The following PNPLA3 variants were observed in gnomAD, a reference collection of about 807,000 sequenced individuals.
PNPLA3 encodes 1-acylglycerol-3-phosphate O-acyltransferase PNPLA3.
PNPLA3 carries 42 observed loss-of-function variants against 43.1 expected under a neutral mutation model. The ratio of observed to expected loss-of-function variants is 0.97; its 90% CI spans 0.76 to 1.26. The LOEUF is 1.26. Ranked by LOEUF, PNPLA3 falls within the 50% of genes most tolerant of loss-of-function variation. The probability of loss-of-function intolerance (pLI) is 0.00; values close to 1 mark genes in which losing one functional copy is unlikely to be tolerated. For missense variants in PNPLA3, 647 were observed against 621.4 expected (o/e 1.04, Z -0.44); for synonymous variants, 272 against 253.6 (o/e 1.07, Z -0.69).
intron 7 of PNPLA3, among the ~76,000 whole-genome samples, chr22:43,941,805 T>C (rs1044278815): frequency 4.0e-5 from 6 of 151,624 alleles, no homozygotes; most frequent in African/African-American, 1.5e-4. Flanking sequence ...AAAAAAAAAT[T>C]ACCCTGGTCT....
intron 6 of PNPLA3, among the ~76,000 whole-genome samples, chr22:43,939,730 C>T (rs1173320083): frequency 6.6e-6 from 1 of 152,144 alleles, no homozygotes; most frequent in Non-Finnish European, 1.5e-5. Context: ...GCAGAAGAAT[C>T]GCTTGAACCC....
intron 3 of PNPLA3, among the ~76,000 whole-genome samples, chr22:43,930,540 G>A (rs759134331): frequency 7.9e-5 from 12 of 152,172 alleles, no homozygotes; most frequent in Admixed American, 1.3e-4. Flanking sequence ...CAGCAGCACC[G>A]TAGTGATGCT....
At chr22:43,928,254 T>C (rs1453338162) in intron 2 of PNPLA3, among the ~76,000 whole-genome samples, 6 of 152,222 alleles carry the variant, frequency 3.9e-5, no homozygotes, top group East Asian at 1.9e-4. Context: ...CCAGCACTTG[T>C]CTGTTCCCAC....
At chr22:43,937,415 C>A in intron 6 of PNPLA3, 143 bp downstream of exon 6, 1 of 766,850 alleles carries the variant, frequency 1.3e-6, no homozygotes, top group Non-Finnish European at 2.1e-6. Flanking sequence ...ATGTGTACAG[C>A]CTGGGCTGCT....
chr22:43,931,083 T>A (rs2049958730), intron 3 of PNPLA3, among the ~76,000 whole-genome samples: 2 of 152,016 alleles, frequency 1.3e-5, no homozygotes, highest in South Asian at 4.2e-4. Flanking sequence ...GCTGAGATCC[T>A]GCCACTGCAC....
At chr22:43,943,226 T>G (rs2050042584) in intron 7 of PNPLA3, among the ~76,000 whole-genome samples, 1 of 152,190 alleles carries the variant, frequency 6.6e-6, no homozygotes, top group Admixed American at 6.5e-5. Context: ...TCTCCATTTC[T>G]TCTTGGGCTA....
At chr22:43,930,175 A>T in intron 3 of PNPLA3, among the ~76,000 whole-genome samples, 1 of 152,158 alleles carries the variant, frequency 6.6e-6, no homozygotes, top group South Asian at 2.1e-4. Context: ...TAGGGTCCCC[A>T]CAACCAAGGG....
chr22:43,946,246 C>T lies in PNPLA3; in HGVS notation c.1310C>T (p.Pro437Leu). ...ACTCCCTGCTCCCCCAAGGGCTGTC[C>T]AGCAGAGACCAAAGCAGAGGCCACC... Reference protein sequence around the residue: ...CWTPCSPKGCPAETKAEATPR... With the variant: ...CWTPCSPKGCLAETKAEATPR... The change falls in exon 9 of 9, where the codon CCA becomes CTA. Residue 437 changes from proline (P) to leucine (L), a missense_variant. Pro to Leu is a moderately conservative substitution (Grantham distance 98, BLOSUM62 -3). Coordinates refer to ENST00000216180, the MANE Select transcript of PNPLA3 (RefSeq NM_025225.3). 1.9e-6 allele frequency: 3 copies of T among 1,614,214 alleles called. No individual in the cohort carries two copies. Among genetic ancestry groups the T allele is most frequent in the Non-Finnish European group, 2.5e-6 (3 of 1,180,038 alleles).
intron 3 of PNPLA3, 29 bp from the exon 4 acceptor site, chr22:43,932,849 T>G (rs1163583796): frequency 6.2e-7 from 1 of 1,602,620 alleles, no homozygotes; most frequent in African/African-American, 1.3e-5. Flanking sequence ...CTTCAGACAG[T>G]GCCAGTCCTT....
At chr22:43,945,879 A>G (rs548186435) in intron 8 of PNPLA3, among the ~76,000 whole-genome samples, 18 of 152,128 alleles carry the variant, frequency 1.2e-4, no homozygotes, top group Non-Finnish European at 1.0e-4. Context: ...TGTGGGGGAA[A>G]CTGATAGGCC....
At chr22:43,926,326 G>A (rs946600729) in intron 1 of PNPLA3, among the ~76,000 whole-genome samples, 3 of 152,326 alleles carry the variant, frequency 2.0e-5, no homozygotes, top group African/African-American at 7.2e-5. Flanking sequence ...TGGGAGGGGT[G>A]GTCTTGCATG....
rs978184328 is a variant in PNPLA3 at position 43,946,847 on chromosome 22, C to G, written c.*465C>G. On this transcript the variant is annotated 3_prime_UTR_variant, in exon 9 of 9. Transcript: ENST00000216180. ...GTGCAGTTCGTCCCCAAGAACGACA[C>G]TGCCTGTCAGGTGGTCTGCAAAGAT... 2 of 439,964 alleles carry G rather than the reference C, an allele frequency of 4.5e-6. No individual in the cohort carries two copies. Among genetic ancestry groups the G allele is most frequent in the Admixed American group, 2.6e-5 (1 of 38,168 alleles). 27.3% of individuals were successfully genotyped at this position (439,964 alleles called of 1,614,324 possible).
In PNPLA3 at chr22:43,946,291, C is replaced by G. The variant is rs1172185920; in HGVS notation, c.1355C>G (p.Ser452Cys). The change falls in exon 9 of 9, where the codon TCC becomes TGC. Residue 452 changes from serine to cysteine, a missense_variant. Physicochemically the swap from Ser to Cys is moderately radical, Grantham distance 112. Transcript: ENST00000216180. Reference protein sequence around the residue: ...AEATPRSILRSSLNFFLGNKV... With the variant: ...AEATPRSILRCSLNFFLGNKV... The stretch of plus-strand genomic sequence containing the variant: ...GCCACCCCGCGGTCCATCCTCAGGT[C>G]CAGCCTGAACTTCTTCTTGGGCAAT... 6.2e-7 allele frequency: 1 copy of G among 1,614,146 alleles called. No homozygotes were observed. Among genetic ancestry groups the G allele is most frequent in the Admixed American group, 1.7e-5 (1 of 60,018 alleles).
chr22:43,936,909 C>G (rs150342244), intron 5 of PNPLA3, 142 bp from the exon 6 acceptor site: 1 of 679,022 alleles, frequency 1.5e-6, no homozygotes, highest in South Asian at 1.7e-5. Flanking sequence ...CACCTGTGCT[C>G]GTTCTCTTCC....
rs1407323105 is a variant in PNPLA3 at position 43,946,613 on chromosome 22, T to C, written c.*231T>C. The C allele has an allele frequency of 1.4e-6, 1 of 710,718 alleles. No individual in the cohort carries two copies. The highest frequency in any genetic ancestry group is 1.7e-5 in the African/African-American group (1 of 58,084). 44.0% of individuals were successfully genotyped at this position (710,718 alleles called of 1,614,324 possible). A position where few individuals can be genotyped will look rare whatever the true frequency, so the allele number is the denominator to read the frequency against. On this transcript the variant is annotated 3_prime_UTR_variant, in exon 9 of 9. Transcript: ENST00000216180. Reference sequence around the variant, plus strand: ...TGCGTTAATTCAGCTGGTTGGGAAATGACACCAGGAAGCCCAGTGCAGAGG... The same window carrying C: ...TGCGTTAATTCAGCTGGTTGGGAAACGACACCAGGAAGCCCAGTGCAGAGG...
intron 3 of PNPLA3, among the ~76,000 whole-genome samples, chr22:43,931,901 A>C (rs1012016526): frequency 1.3e-5 from 2 of 152,196 alleles, no homozygotes; most frequent in Non-Finnish European, 2.9e-5. Context: ...TAAACTTGTG[A>C]TCATTTCTGG....
chr22:43,934,464 C>T, intron 4 of PNPLA3, 142 bp from the exon 5 acceptor site: 1 of 761,158 alleles, frequency 1.3e-6, no homozygotes, highest in East Asian at 2.6e-5. Context: ...CTTTGCTCAG[C>T]CCCCAGGTGG....
chr22:43,926,415 A>G (rs913525915), intron 1 of PNPLA3, among the ~76,000 whole-genome samples: 5 of 152,170 alleles, frequency 3.3e-5, no homozygotes, highest in Admixed American at 1.3e-4. Context: ...CATTAAGGCC[A>G]TCTACACCAA....
At chr22:43,942,589 G>A (rs2050037572) in intron 7 of PNPLA3, among the ~76,000 whole-genome samples, 1 of 151,996 alleles carries the variant, frequency 6.6e-6, no homozygotes, top group Non-Finnish European at 1.5e-5. Context: ...CAGTTATTGA[G>A]CTGGACAAGT....
Sources: gnomAD v4.1 joint callset for allele counts (sites outside exome capture counted in the v4.1 genomes callset) on GRCh38, gnomAD v4.1.1 for gene constraint, MANE v1.5 for transcripts, NCBI Gene and HGNC (gene_info 2026-07-23, HGNC 2026-07-21) for gene names.